Variants in EFHC1 observed in about 807,000 individuals in gnomAD.
EFHC1 encodes the protein EF-hand domain-containing protein 1.
Under a neutral mutation model 69.9 loss-of-function variants are expected in EFHC1, and 53 were observed. The observed-to-expected ratio is 0.76, with a 90% CI of 0.61 to 0.95. The LOEUF is 0.95. Among genes scored for constraint, EFHC1 ranks in the 40% least tolerant of loss-of-function variants. EFHC1 has a pLI of 0.00. For missense variants in EFHC1, 739 were observed against 798.7 expected (o/e 0.93, Z 0.90); for synonymous variants, 256 against 278.4 (o/e 0.92, Z 0.80).
intron 3 of EFHC1, among the ~76,000 whole-genome samples, chr6:52,446,185 A>G (rs567748104): frequency 2.0e-5 from 3 of 152,126 alleles, no homozygotes; most frequent in South Asian, 4.2e-4. Context: ...TTATTATTGT[A>G]TGGGAGTCTA....
intron 3 of EFHC1, among the ~76,000 whole-genome samples, chr6:52,449,968 T>G (rs1764879778): frequency 7.0e-6 from 1 of 142,286 alleles, no homozygotes; most frequent in Non-Finnish European, 1.6e-5. Context: ...GTCTTAATAC[T>G]GCCTTAGCTG....
At position 52,490,275 on chromosome 6, in the gene EFHC1, A is replaced by C; in HGVS notation, c.1776A>C (p.Gly592=). The change falls in exon 10 of 11, where the codon GGA becomes GGC. Residue 592 remains glycine, a synonymous_variant. Transcript: ENST00000371068. Reference sequence around the variant, plus strand: ...AAATTTATGACAAGGAAGCTTCAGGATATGTGGACAGAGACATGTTCTTTA... The same window carrying C: ...AAATTTATGACAAGGAAGCTTCAGGCTATGTGGACAGAGACATGTTCTTTA... ...AFQIYDKEAS[G]YVDRDMFFKI... 6.2e-7 allele frequency: 1 copy of C among 1,614,166 alleles called. No homozygotes were observed. The highest frequency in any genetic ancestry group is 8.5e-7 in the Non-Finnish European group (1 of 1,179,996).
intron 7 of EFHC1, among the ~76,000 whole-genome samples, chr6:52,476,615 T>C (rs565048236): frequency 6.6e-6 from 1 of 152,316 alleles, no homozygotes; most frequent in East Asian, 1.9e-4. Flanking sequence ...AACTCCCTGG[T>C]ATACACTAAA....
intron 5 of EFHC1, among the ~76,000 whole-genome samples, chr6:52,459,332 C>G (rs1765110437): frequency 6.6e-6 from 1 of 152,126 alleles, no homozygotes; most frequent in South Asian, 2.1e-4. Context: ...TGAGAAGGTA[C>G]TTGTCATAGG....
intron 5 of EFHC1, among the ~76,000 whole-genome samples, chr6:52,462,935 A>C (rs1412452496): frequency 6.6e-6 from 1 of 150,838 alleles, no homozygotes; most frequent in Non-Finnish European, 1.5e-5. Flanking sequence ...ATTAAACATA[A>C]AATAAAATAA....
At position 52,489,168 on chromosome 6, in the gene EFHC1, G is replaced by A. The variant is rs184472259; in HGVS notation, c.1641-972G>A. On this transcript the variant is annotated intron_variant, in intron 9 of 10. Coordinates refer to ENST00000371068, the MANE Select transcript of EFHC1 (RefSeq NM_018100.4). ...TTTAAAAATATTATACGCAAGAAAAGTAAATACAGAAAAGCAATGGTAGAT... is the reference window on the plus strand; with the variant it reads ...TTTAAAAATATTATACGCAAGAAAAATAAATACAGAAAAGCAATGGTAGAT... 11 of 152,296 alleles carry A rather than the reference G, an allele frequency of 7.2e-5. No homozygotes were observed. In the East Asian group the frequency reaches 1.9e-3, roughly 27 times the overall value. The allele number at this position is 152,296 out of a possible 1,614,324, so 9.4% of individuals were successfully genotyped here.
Position 52,479,695 on chromosome 6 carries a change from G to GTTTT in EFHC1, c.1548_1549insTTTT (p.Glu517PhefsTer2), listed in dbSNP as rs1765630206. 6.2e-7 allele frequency: 1 copy of GTTTT among 1,614,072 alleles called. No homozygotes were observed. Among genetic ancestry groups the GTTTT allele is most frequent in the Non-Finnish European group, 8.5e-7 (1 of 1,180,046 alleles). ...CAGACGAGTATGTTTTGAAATACATGGAGAGCAACGCTGCCCAGTATTCAC... is the reference window on the plus strand; with the variant it reads ...CAGACGAGTATGTTTTGAAATACATGTTTTGAGAGCAACGCTGCCCAGTATTCAC... On this transcript the variant is annotated frameshift_variant, in exon 9 of 11. Coordinates refer to ENST00000371068, the MANE Select transcript of EFHC1 (RefSeq NM_018100.4). LOFTEE classifies it high-confidence loss of function.
At chr6:52,487,309 T>G (rs1393675388) in intron 9 of EFHC1, 2 of 152,208 alleles carry the variant, frequency 1.3e-5, no homozygotes, top group African/African-American at 4.8e-5. Flanking sequence ...CTCTCTTGAG[T>G]TCTGGAAATT....
intron 2 of EFHC1, among the ~76,000 whole-genome samples, chr6:52,433,109 A>G (rs1000052719): frequency 3.3e-5 from 5 of 151,898 alleles, no homozygotes; most frequent in Non-Finnish European, 7.4e-5. Flanking sequence ...TTATTTCCTT[A>G]AATTGGGCTT....
In EFHC1 at chr6:52,476,224, C is replaced by G. The variant is rs1339272522; in HGVS notation, c.1279-2813C>G. Among the ~76,000 whole-genome samples the G allele has an allele frequency of 2.0e-5, 3 of 152,188 alleles. No individual in the cohort carries two copies. The East Asian group carries it at 5.8e-4, about 29-fold the overall frequency. ...GCAGAGAATTTAAAAATAAAACCAA[C>G]TAAAAGTTGGTCTGTTTCTTCTTAT... is the stretch of plus-strand genomic sequence containing the variant. On this transcript the variant is annotated intron_variant, in intron 7 of 10. Coordinates refer to ENST00000371068, the MANE Select transcript of EFHC1 (RefSeq NM_018100.4).
intron 3 of EFHC1, among the ~76,000 whole-genome samples, chr6:52,439,483 A>G (rs1273332975): frequency 6.6e-6 from 1 of 152,184 alleles, no homozygotes; most frequent in African/African-American, 2.4e-5. Context: ...TATTTTTCAG[A>G]TGACTATGAC....
rs1433114497 is a variant in EFHC1, at chr6:52,493,609, G to A, written c.*1268G>A. 8.9e-6 allele frequency: 4 copies of A among 451,556 alleles called. No individual in the cohort carries two copies. The highest frequency in any genetic ancestry group is 7.0e-5 in the East Asian group (1 of 14,320). The allele number at this position is 451,556 out of a possible 1,614,324, so 28.0% of individuals were successfully genotyped here. On this transcript the variant is annotated 3_prime_UTR_variant, in exon 11 of 11. Coordinates refer to ENST00000371068, the MANE Select transcript of EFHC1 (RefSeq NM_018100.4). ...AGAGGTTGCAGTGAGCCAAGACCAC[G>A]CCACTGCACTCCATCCAGCCTGGGT... is the stretch of plus-strand genomic sequence containing the variant.
At chr6:52,483,175 T>G (rs949245023) in intron 9 of EFHC1, 2 of 260,212 alleles carry the variant, frequency 7.7e-6, no homozygotes, top group Non-Finnish European at 1.4e-5. Flanking sequence ...GTTTGTACTT[T>G]ATGCAATTAC....
chr6:52,490,824 G>A, intron 10 of EFHC1: 1 of 181,636 alleles, frequency 5.5e-6, no homozygotes, highest in Non-Finnish European at 1.2e-5. Context: ...AGCTGATGGA[G>A]GAAGGGCATG....
chr6:52,438,079 ACT>A (rs1764573044), intron 2 of EFHC1, among the ~76,000 whole-genome samples: 1 of 151,904 alleles, frequency 6.6e-6, no homozygotes, highest in Non-Finnish European at 1.5e-5. Context: ...TGTAAAACCC[ACT>A]CTTAGCTTGC....
intron 7 of EFHC1, among the ~76,000 whole-genome samples, 168 bp from the exon 8 acceptor site, chr6:52,478,869 C>T (rs1038658354): frequency 1.8e-4 from 27 of 152,178 alleles, no homozygotes; most frequent in African/African-American, 5.8e-4. Context: ...TTAGATGAGG[C>T]ATGTTCTTCC....
intron 5 of EFHC1, among the ~76,000 whole-genome samples, chr6:52,456,922 G>C (rs1229193924): frequency 6.6e-6 from 1 of 151,754 alleles, no homozygotes; most frequent in Non-Finnish European, 1.5e-5. Flanking sequence ...CTCAAAAAAA[G>C]AAAAAAGGTA....
chr6:52,452,944 A>G (rs1764950666), intron 4 of EFHC1, 107 bp downstream of exon 4: 1 of 1,600,156 alleles, frequency 6.2e-7, no homozygotes, highest in Admixed American at 1.7e-5. Flanking sequence ...GAAACATTAC[A>G]GCTATAATTG....
chr6:52,482,444 T>C (rs1765700872), intron 9 of EFHC1: 1 of 191,366 alleles, frequency 5.2e-6, no homozygotes, highest in African/African-American at 2.3e-5. Flanking sequence ...CACATTGTAA[T>C]TTAAAACACT....
Sources: gnomAD v4.1 joint callset for allele counts (sites outside exome capture counted in the v4.1 genomes callset) on GRCh38, gnomAD v4.1.1 for gene constraint, MANE v1.5 for transcripts, NCBI Gene and HGNC (gene_info 2026-07-23, HGNC 2026-07-21) for gene names.